Variants in NET1 observed in about 807,000 individuals in gnomAD.
NET1 encodes the protein neuroepithelial cell transforming 1, also known as neuroepithelial cell-transforming gene 1 protein.
A neutral mutation model predicts 61.1 loss-of-function variants in NET1; 42 were observed. That is an observed-to-expected ratio of 0.69 (90% CI 0.54 to 0.89). The LOEUF (loss-of-function observed/expected upper bound fraction) is 0.89. NET1 is among the 40% of genes least tolerant of loss of function. The pLI is 0.00. For missense variants in NET1, 654 were observed against 747.3 expected (o/e 0.88, Z 1.46); for synonymous variants, 254 against 281.8 (o/e 0.90, Z 0.99).
rs1554818455 is a variant in NET1, at chr10:5,451,511, T to TTAAA, written c.256-319_256-318insTAAA. On this transcript the variant is annotated intron_variant, in intron 3 of 11. Transcript: ENST00000355029. The surrounding 1 kb of genome is among the most constrained non-coding windows in gnomAD (Gnocchi z 6.1). Reference sequence around the variant, plus strand: ...TTTTCATAACAATAAGGCTTTTTTTTAAAAAAAAAAAAAGTTATTCCCTGC... The same window carrying TTAAA: ...TTTTCATAACAATAAGGCTTTTTTTTTAAAAAAAAAAAAAAAAGTTATTCCCTGC... Among the ~76,000 whole-genome samples, 1 of 147,634 alleles carries TTAAA rather than the reference T, an allele frequency of 6.8e-6. No homozygotes were observed. The highest frequency in any genetic ancestry group is 2.5e-5 in the African/African-American group (1 of 40,214).
Position 5,427,488 on chromosome 10 carries a change from A to T in NET1, c.195+767A>T, listed in dbSNP as rs1406768039. Among the ~76,000 whole-genome samples, 1 of 152,110 alleles carries T rather than the reference A, an allele frequency of 6.6e-6. No homozygotes were observed. Among genetic ancestry groups the T allele is most frequent in the African/African-American group, 2.4e-5 (1 of 41,428 alleles). Reference sequence around the variant, plus strand: ...GCTCTAACCATGTCAACAGTACCATATGTATCCTTCTATATTTTGCTCATA... The same window carrying T: ...GCTCTAACCATGTCAACAGTACCATTTGTATCCTTCTATATTTTGCTCATA... On this transcript the variant is annotated intron_variant, in intron 2 of 11. Transcript: ENST00000355029. This position sits in a 1 kb window ranked among gnomAD's most constrained non-coding sequence, Gnocchi z 4.1.
Position 5,447,338 on chromosome 10 carries a change from A to C in NET1, c.256-4492A>C, listed in dbSNP as rs1832630768. ...ATGCCACTTTTTTCTTCAGAAGGAA[A>C]GAGGCATGTTAGAATATTTAAACCA... On this transcript the variant is annotated intron_variant, in intron 3 of 11. Transcript: ENST00000355029. This position sits in a 1 kb window ranked among gnomAD's most constrained non-coding sequence, Gnocchi z 4.1. Among the ~76,000 whole-genome samples, 1 of 152,248 alleles carries C rather than the reference A, an allele frequency of 6.6e-6. No homozygotes were observed. Among genetic ancestry groups the C allele is most frequent in the Non-Finnish European group, 1.5e-5 (1 of 68,040 alleles).
chr10:5,438,116 T>TA (rs1832466874), intron 3 of NET1, among the ~76,000 whole-genome samples: 1 of 152,146 alleles, frequency 6.6e-6, no homozygotes. Flanking sequence ...GAGAGAAACT[T>TA]ACAGGTGTAA....
Position 5,452,509 on chromosome 10 carries a change from A to G in NET1, c.515A>G (p.Glu172Gly). 3 of 1,612,692 alleles carry G rather than the reference A, an allele frequency of 1.9e-6. No homozygotes were observed. Among genetic ancestry groups the G allele is most frequent in the South Asian group, 1.1e-5 (1 of 90,800 alleles). The change falls in exon 5 of 12, where the codon GAG (glutamate) becomes GGG (glycine). Residue 172 changes from glutamate to glycine, a missense_variant. Coordinates refer to ENST00000355029, the MANE Select transcript of NET1 (RefSeq NM_001047160.3). The surrounding 1 kb of genome is among the most constrained non-coding windows in gnomAD (Gnocchi z 4.0). ...ATGAAGGAGTCTCTCACCACCAGGGAGATCAGACGGCAGGAGGTATGCTGG... is the reference window on the plus strand; with the variant it reads ...ATGAAGGAGTCTCTCACCACCAGGGGGATCAGACGGCAGGAGGTATGCTGG... ...ITMKESLTTREIRRQEAIYEM... is the reference protein window; with the variant it reads ...ITMKESLTTRGIRRQEAIYEM...
Position 5,453,156 on chromosome 10 carries a change from G to A in NET1, c.595-94G>A, listed in dbSNP as rs78935709. 11,512 of 825,410 alleles carry A rather than the reference G, an allele frequency of 0.014. 376 individuals are homozygous for A. Among genetic ancestry groups the A allele is most frequent in the East Asian group, 0.082 (3,381 of 41,282 alleles). The allele number at this position is 825,410 out of a possible 1,614,324, so 51.1% of individuals were successfully genotyped here. ...TGTGTAGCAAACAGAATCCACGCTA[G>A]CTTTTATGTAATTAATTCTCTTTGT... is the stretch of plus-strand genomic sequence containing the variant. On this transcript the variant is annotated intron_variant, in intron 6 of 11. Coordinates refer to ENST00000355029, the MANE Select transcript of NET1 (RefSeq NM_001047160.3). The surrounding 1 kb of genome is among the most constrained non-coding windows in gnomAD (Gnocchi z 4.9).
chr10:5,456,052 G>A lies in NET1; in HGVS notation c.1198-35G>A. 6.3e-7 allele frequency: 1 copy of A among 1,577,532 alleles called. No homozygotes were observed. Among genetic ancestry groups the A allele is most frequent in the Non-Finnish European group, 8.6e-7 (1 of 1,158,030 alleles). ...ATATTTCAGTCACTTAAAAACACAA[G>A]TTTCCTATTTAGCGTTTGTTTCCCA... On this transcript the variant is annotated intron_variant, in intron 10 of 11. Coordinates refer to ENST00000355029, the MANE Select transcript of NET1 (RefSeq NM_001047160.3). The surrounding 1 kb of genome is among the most constrained non-coding windows in gnomAD (Gnocchi z 7.0).
At chr10:5,445,497 G>C (rs1381356770) in intron 3 of NET1, among the ~76,000 whole-genome samples, 3 of 152,076 alleles carry the variant, frequency 2.0e-5, no homozygotes, top group African/African-American at 7.2e-5. Flanking sequence ...CTAGAATAGT[G>C]ACTTTTATAT....
Position 5,426,604 on chromosome 10 carries a change from A to C in NET1, c.129-51A>C, listed in dbSNP as rs767415757. 1.4e-6 allele frequency: 2 copies of C among 1,412,996 alleles called. No individual in the cohort carries two copies. Among genetic ancestry groups the C allele is most frequent in the African/African-American group, 2.9e-5 (2 of 69,990 alleles). 87.5% of individuals were successfully genotyped at this position (1,412,996 alleles called of 1,614,324 possible). A position where few individuals can be genotyped will look rare whatever the true frequency, so the allele number is the denominator to read the frequency against. On this transcript the variant is annotated intron_variant, in intron 1 of 11. Transcript: ENST00000355029. This position sits in a 1 kb window ranked among gnomAD's most constrained non-coding sequence, Gnocchi z 4.6. The stretch of plus-strand genomic sequence containing the variant: ...TAGCTTTTTATCTGTTTGATGCTCT[A>C]TTATGCTAAAGTCAATCTCTTTATT...
rs1281181107 is a variant in NET1 at position 5,416,452 on chromosome 10, A to T, written c.128+3632A>T. On this transcript the variant is annotated intron_variant, in intron 1 of 11. Transcript: ENST00000355029. This position sits in a 1 kb window ranked among gnomAD's most constrained non-coding sequence, Gnocchi z 6.1. ...TACAAAGGAGTCCACAGGGATTCTG[A>T]TAGAGATTGCATTAAATCTTGTAGA... Among the ~76,000 whole-genome samples the T allele has an allele frequency of 6.6e-6, 1 of 152,192 alleles. No individual in the cohort carries two copies. Among genetic ancestry groups the T allele is most frequent in the Non-Finnish European group, 1.5e-5 (1 of 68,020 alleles).
chr10:5,450,859 C>T (rs543384257), intron 3 of NET1, among the ~76,000 whole-genome samples: 2 of 152,160 alleles, frequency 1.3e-5, no homozygotes, highest in Admixed American at 6.5e-5. Flanking sequence ...TTTCAAAATC[C>T]TTGAATAAGT....
rs1832258915 is a variant in NET1 at position 5,426,457 on chromosome 10, A to G, written c.129-198A>G. 1.3e-5 allele frequency among the ~76,000 whole-genome samples: 2 copies of G among 152,206 alleles called. No individual in the cohort carries two copies. Among genetic ancestry groups the G allele is most frequent in the Non-Finnish European group, 2.9e-5 (2 of 68,022 alleles). On this transcript the variant is annotated intron_variant, in intron 1 of 11. Coordinates refer to ENST00000355029, the MANE Select transcript of NET1 (RefSeq NM_001047160.3). The surrounding 1 kb of genome is among the most constrained non-coding windows in gnomAD (Gnocchi z 4.6). ...AGGCCTTTTCACTCTAAAGATGCTG[A>G]GAATGACCAAAACCTATACCCTGTT...
chr10:5,453,561 G>A lies in NET1; in HGVS notation c.768+1G>A. 5 of 1,613,770 alleles carry A rather than the reference G, an allele frequency of 3.1e-6. No individual in the cohort carries two copies. Among genetic ancestry groups the A allele is most frequent in the Non-Finnish European group, 4.2e-6 (5 of 1,179,718 alleles). Reference sequence around the variant, plus strand: ...GATTGGTCACATTCTCGTGAGCTGGGTATGTAGTGAGTTGTTGACCCCAGA... The same window carrying A: ...GATTGGTCACATTCTCGTGAGCTGGATATGTAGTGAGTTGTTGACCCCAGA... On this transcript the variant is annotated splice_donor_variant, in intron 8 of 11. Coordinates refer to ENST00000355029, the MANE Select transcript of NET1 (RefSeq NM_001047160.3). LOFTEE classifies it high-confidence loss of function. The surrounding 1 kb of genome is among the most constrained non-coding windows in gnomAD (Gnocchi z 4.9).
chr10:5,425,337 T>C (rs1832242886), intron 1 of NET1, among the ~76,000 whole-genome samples: 1 of 152,212 alleles, frequency 6.6e-6, no homozygotes, highest in African/African-American at 2.4e-5. Context: ...TTGATTTGGT[T>C]TAAGCTTGTA....
rs1832106967 is a variant in NET1 at position 5,417,827 on chromosome 10, C to G, written c.128+5007C>G. ...TGTAAGCTTTGTAGATGTCCTTTAT[C>G]AGGTTGAGGAAGTTCCATTCTGTTA... On this transcript the variant is annotated intron_variant, in intron 1 of 11. Coordinates refer to ENST00000355029, the MANE Select transcript of NET1 (RefSeq NM_001047160.3). This position sits in a 1 kb window ranked among gnomAD's most constrained non-coding sequence, Gnocchi z 5.5. 1.3e-5 allele frequency among the ~76,000 whole-genome samples: 2 copies of G among 152,142 alleles called. No homozygotes were observed.
In NET1 at chr10:5,416,261, C is replaced by T. The variant is rs1237652162; in HGVS notation, c.128+3441C>T. Among the ~76,000 whole-genome samples, 1 of 152,006 alleles carries T rather than the reference C, an allele frequency of 6.6e-6. No homozygotes were observed. Among genetic ancestry groups the T allele is most frequent in the East Asian group, 1.9e-4 (1 of 5,196 alleles). Reference sequence around the variant, plus strand: ...ATTCTCTTGATCTATATGTAATAGCCCTATGCCATTACCATGGTGTTTTGA... The same window carrying T: ...ATTCTCTTGATCTATATGTAATAGCTCTATGCCATTACCATGGTGTTTTGA... On this transcript the variant is annotated intron_variant, in intron 1 of 11. Transcript: ENST00000355029. This position sits in a 1 kb window ranked among gnomAD's most constrained non-coding sequence, Gnocchi z 6.1.
chr10:5,425,696 C>T (rs1280373623), intron 1 of NET1, among the ~76,000 whole-genome samples: 4 of 152,202 alleles, frequency 2.6e-5, no homozygotes, highest in African/African-American at 7.2e-5. Context: ...AAACTTCACA[C>T]TCGTCTACCT....
At chr10:5,450,064 TGTCA>T (rs66980083) in intron 3 of NET1, among the ~76,000 whole-genome samples, 75,431 of 151,768 alleles carry the variant, frequency 0.5, 21,441 homozygotes, top group Admixed American at 0.64. Context: ...CACACGCGTG[TGTCA>T]GTCAGTCAGC....
chr10:5,454,902 G>A lies in NET1; in HGVS notation c.1027-46G>A, dbSNP rs1439286973. ...TTTTGCTCTGCAGGAAGCAGAATGAGTTAATAAACTGAAGCTGCTCTGTCA... is the reference window on the plus strand; with the variant it reads ...TTTTGCTCTGCAGGAAGCAGAATGAATTAATAAACTGAAGCTGCTCTGTCA... On this transcript the variant is annotated intron_variant, in intron 9 of 11. Coordinates refer to ENST00000355029, the MANE Select transcript of NET1 (RefSeq NM_001047160.3). This position sits in a 1 kb window ranked among gnomAD's most constrained non-coding sequence, Gnocchi z 8.1. 1.3e-6 allele frequency: 2 copies of A among 1,585,852 alleles called. No homozygotes were observed. Among genetic ancestry groups the A allele is most frequent in the Admixed American group, 1.7e-5 (1 of 59,682 alleles).
chr10:5,451,694 A>C lies in NET1; in HGVS notation c.256-136A>C, dbSNP rs963344416. ...AGTTCTTATTGTTTTGACAATGAAG[A>C]ACAACTCTTACTTTCATGTTTCTGT... On this transcript the variant is annotated intron_variant, in intron 3 of 11. Coordinates refer to ENST00000355029, the MANE Select transcript of NET1 (RefSeq NM_001047160.3). The surrounding 1 kb of genome is among the most constrained non-coding windows in gnomAD (Gnocchi z 6.1). 1 of 574,076 alleles carries C rather than the reference A, an allele frequency of 1.7e-6. No individual in the cohort carries two copies. Among genetic ancestry groups the C allele is most frequent in the African/African-American group, 1.8e-5 (1 of 54,202 alleles). The allele number at this position is 574,076 out of a possible 1,614,324, so 35.6% of individuals were successfully genotyped here. A position where few individuals can be genotyped will look rare whatever the true frequency, so the allele number is the denominator to read the frequency against.
Sources: gnomAD v4.1 joint callset for allele counts (sites outside exome capture counted in the v4.1 genomes callset) on GRCh38, gnomAD v4.1.1 for gene constraint, Gnocchi (gnomAD v3.1) non-coding constraint, MANE v1.5 for transcripts, NCBI Gene and HGNC (gene_info 2026-07-23, HGNC 2026-07-21) for gene names.